Variants in JHY observed in about 807,000 individuals in gnomAD.
JHY encodes junctional cadherin complex regulator.
JHY carries 69 observed loss-of-function variants against 78.0 expected under a neutral mutation model. The ratio of observed to expected loss-of-function variants is 0.88; its 90% CI spans 0.73 to 1.08. The LOEUF (loss-of-function observed/expected upper bound fraction) is 1.08, where lower values mean the gene tolerates loss of function less well. Among genes scored for constraint, JHY ranks in the 50% least tolerant of loss-of-function variants. The pLI, the probability that JHY is intolerant of heterozygous loss-of-function variation, is 0.00. For missense variants in JHY, 944 were observed against 927.8 expected, an observed-to-expected ratio of 1.02 and a Z score of -0.23; for synonymous variants, 368 against 342.6, an observed-to-expected ratio of 1.07 and a Z score of -0.82.
chr11:122,934,061 A>G (rs1591390098), intron 4 of JHY, among the ~76,000 whole-genome samples: 1 of 152,160 alleles, frequency 6.6e-6, no homozygotes, highest in South Asian at 2.1e-4. Flanking sequence ...TTATAATCCT[A>G]AATTTCCAGG....
intron 3 of JHY, among the ~76,000 whole-genome samples, chr11:122,913,970 G>A (rs532842133): frequency 9.2e-5 from 14 of 152,204 alleles, no homozygotes; most frequent in Non-Finnish European, 1.3e-4. Flanking sequence ...AAGAACTTGT[G>A]CTGTTAAACA....
Position 122,946,648 on chromosome 11 carries a change from T to C in JHY, c.1785T>C (p.Pro595=). ...CCTTATCCAGCGTCACGCTTCCACC[T>C]ATACTGTCAAGGGTAGAAAGTGAAT... ...EGALSSVTLP[P]ILSRVESESQ... Residue 595 remains proline, a synonymous_variant, in exon 6 of 9, where the codon CCT becomes CCC. Transcript: ENST00000227349. The C allele has an allele frequency of 1.9e-6, 3 of 1,614,150 alleles. No homozygotes were observed. The highest frequency in any genetic ancestry group is 2.5e-6 in the Non-Finnish European group (3 of 1,180,020).
chr11:122,942,896 G>T (rs770014951), intron 5 of JHY, among the ~76,000 whole-genome samples: 2 of 150,768 alleles, frequency 1.3e-5, no homozygotes, highest in Admixed American at 6.6e-5. Flanking sequence ...CTTTTTAGAG[G>T]CAGGGTCTCA....
chr11:122,885,244 G>T (rs1004400408), intron 1 of JHY, among the ~76,000 whole-genome samples: 4 of 152,086 alleles, frequency 2.6e-5, no homozygotes, highest in African/African-American at 9.7e-5. Context: ...GCCCATATAG[G>T]TCTAGGAACA....
intron 6 of JHY, chr11:122,947,480 C>T (rs1055602360): frequency 1.3e-5 from 2 of 152,186 alleles, no homozygotes; most frequent in Admixed American, 6.5e-5. Context: ...AGAATGTTTT[C>T]AGTAAGAAAT....
In JHY at chr11:122,886,002, G is replaced by A. The variant is rs778683804; in HGVS notation, c.153G>A (p.Thr51=). The change falls in exon 2 of 9, where the codon ACG becomes ACA. Residue 51 remains threonine, a synonymous_variant. Coordinates refer to ENST00000227349, the MANE Select transcript of JHY (RefSeq NM_024806.4). ...TGGAATCTGATTCAGAAAGCCTCAC[G>A]CAAGAGATTATGTGCCATTCTGAGT... ...DSLESDSESL[T]QEIMCHSEFD... 1.5e-5 allele frequency: 25 copies of A among 1,614,138 alleles called. No individual in the cohort carries two copies. Among genetic ancestry groups the A allele is most frequent in the African/African-American group, 8.0e-5 (6 of 75,016 alleles).
At position 122,960,820 on chromosome 11, in the gene JHY, G is replaced by T; in HGVS notation, c.*1375G>T. ...TCGCAGCGCTCACTGGTTCAGAAGCGCCATTACCTTTTTGATGTGCAGAGG... is the reference window on the plus strand; with the variant it reads ...TCGCAGCGCTCACTGGTTCAGAAGCTCCATTACCTTTTTGATGTGCAGAGG... On this transcript the variant is annotated 3_prime_UTR_variant, in exon 9 of 9. Transcript: ENST00000227349. 6.6e-6 allele frequency: 4 copies of T among 605,526 alleles called. No homozygotes were observed. Among genetic ancestry groups the T allele is most frequent in the Admixed American group, 2.0e-5 (1 of 51,198 alleles). The allele number at this position is 605,526 out of a possible 1,614,324, so 37.5% of individuals were successfully genotyped here.
chr11:122,900,009 T>C (rs968966607), intron 2 of JHY, among the ~76,000 whole-genome samples: 8 of 152,194 alleles, frequency 5.3e-5, no homozygotes, highest in Non-Finnish European at 5.9e-5. Context: ...AGTGCATCAC[T>C]TGGGAGAAAC....
Position 122,935,394 on chromosome 11 carries a change from C to T in JHY, c.1634+319C>T, listed in dbSNP as rs911873986. 8.6e-5 allele frequency among the ~76,000 whole-genome samples: 13 copies of T among 152,040 alleles called. No individual in the cohort carries two copies. Among genetic ancestry groups the T allele is most frequent in the South Asian group, 2.1e-4 (1 of 4,800 alleles). ...GGATTACAAGCGTTCACCACCACAC[C>T]GGGCTAATTTTTGTATTTTTAGTAG... On this transcript the variant is annotated intron_variant, in intron 5 of 8. Transcript: ENST00000227349. The surrounding 1 kb of genome is among the most constrained non-coding windows in gnomAD (Gnocchi z 4.5).
chr11:122,955,412 C>T (rs1339457746), intron 6 of JHY, among the ~76,000 whole-genome samples: 2 of 152,244 alleles, frequency 1.3e-5, no homozygotes, highest in African/African-American at 4.8e-5. Context: ...TGAGTCACCG[C>T]GCCCAGCCTA....
chr11:122,892,036 G>T (rs944698802), intron 2 of JHY, among the ~76,000 whole-genome samples: 5 of 152,188 alleles, frequency 3.3e-5, no homozygotes, highest in African/African-American at 1.2e-4. Flanking sequence ...TGTGACCTCA[G>T]AGTAGATAGA....
At position 122,961,405 on chromosome 11, in the gene JHY, C is replaced by CA. The variant is rs140289688; in HGVS notation, c.*1962dup. On this transcript the variant is annotated 3_prime_UTR_variant, in exon 9 of 9. Transcript: ENST00000227349. ...GCAGTGGCACAATCTCGGTTCACTG[C>CA]AACTCCGCCTCCTGGATTCAAGCGA... 0.52 allele frequency among the ~76,000 whole-genome samples: 79,704 copies of CA among 151,868 alleles called. 21,428 individuals carry two copies. The highest frequency in any genetic ancestry group is 0.58 in the Non-Finnish European group (39,175 of 67,918).
At chr11:122,916,463 T>G (rs546424915) in intron 3 of JHY, among the ~76,000 whole-genome samples, 1 of 152,322 alleles carries the variant, frequency 6.6e-6, no homozygotes, top group Admixed American at 6.5e-5. Flanking sequence ...TTTCTACCAG[T>G]GCAGATTCTA....
chr11:122,934,609 A>G lies in JHY; in HGVS notation c.1168A>G (p.Asn390Asp), dbSNP rs1320139880. Residue 390 changes from asparagine to aspartate, a missense_variant, in exon 5 of 9, where the codon AAC (asparagine) becomes GAC (aspartate). Physicochemically the swap from Asn to Asp is conservative, Grantham distance 23. Coordinates refer to ENST00000227349, the MANE Select transcript of JHY (RefSeq NM_024806.4). ...TTEEVTASQGNQNNPPRQQQN... is the reference protein window; with the variant it reads ...TTEEVTASQGDQNNPPRQQQN... ...GGAAGAGGTGACTGCCAGTCAGGGG[A>G]ACCAGAATAACCCTCCCAGGCAGCA... 6.2e-7 allele frequency: 1 copy of G among 1,614,094 alleles called. No individual in the cohort carries two copies.
rs376393816 is a variant in JHY at position 122,950,386 on chromosome 11, A to G, written c.1929+3594A>G. Among the ~76,000 whole-genome samples, 3 of 152,194 alleles carry G rather than the reference A, an allele frequency of 2.0e-5. No individual in the cohort carries two copies. The South Asian group carries it at 6.2e-4, about 31-fold the overall frequency. ...GATTACCAGGGACTAAATTTAGCTC[A>G]AACACACTAGCTCACAAGAGAATCT... On this transcript the variant is annotated intron_variant, in intron 6 of 8. Coordinates refer to ENST00000227349, the MANE Select transcript of JHY (RefSeq NM_024806.4).
Position 122,891,801 on chromosome 11 carries a change from T to C in JHY, c.344+5608T>C, listed in dbSNP as rs181414347. ...ATAGGTATACGTAATTACTAGATAG[T>C]AGAGCCAGAAATTAAATTGACCTCT... On this transcript the variant is annotated intron_variant, in intron 2 of 8. Transcript: ENST00000227349. 1.6e-3 allele frequency among the ~76,000 whole-genome samples: 247 copies of C among 152,180 alleles called. 1 individual carries two copies. Among genetic ancestry groups the C allele is most frequent in the Non-Finnish European group, 3.2e-3 (216 of 68,004 alleles).
At chr11:122,918,162 A>G (rs1049590178) in intron 3 of JHY, among the ~76,000 whole-genome samples, 1 of 151,510 alleles carries the variant, frequency 6.6e-6, no homozygotes, top group Non-Finnish European at 1.5e-5. Context: ...CAGCCTCCCA[A>G]ACTGCTGGGA....
intron 6 of JHY, among the ~76,000 whole-genome samples, chr11:122,953,261 T>C (rs1278525482): frequency 6.6e-6 from 1 of 151,986 alleles, no homozygotes; most frequent in African/African-American, 2.4e-5. Context: ...TAAAAATATA[T>C]ATATACTGAC....
chr11:122,934,948 C>T lies in JHY; in HGVS notation c.1507C>T (p.His503Tyr), dbSNP rs760966987. 1.2e-6 allele frequency: 2 copies of T among 1,614,110 alleles called. No individual in the cohort carries two copies. Among genetic ancestry groups the T allele is most frequent in the Non-Finnish European group, 1.7e-6 (2 of 1,180,028 alleles). The part of the protein sequence containing the change: ...LNNLNELSKR[H>Y]VLLSQKGSQF... ...CAACCTTAATGAACTTTCTAAGAGA[C>T]ACGTGCTCCTGAGCCAGAAAGGCTC... Residue 503 changes from histidine to tyrosine, a missense_variant, in exon 5 of 9, where the codon CAC becomes TAC. Physicochemically the swap from His to Tyr is moderately conservative, Grantham distance 83. Coordinates refer to ENST00000227349, the MANE Select transcript of JHY (RefSeq NM_024806.4).
Sources: allele counts gnomAD v4.1 joint callset (sites outside exome capture counted in the v4.1 genomes callset), GRCh38; gene constraint gnomAD v4.1.1; non-coding constraint Gnocchi (gnomAD v3.1); transcripts MANE v1.5; gene names NCBI Gene and HGNC (gene_info 2026-07-23, HGNC 2026-07-21).